FGF13: variants seen among roughly 807,000 people sequenced by gnomAD.
FGF13 encodes the protein fibroblast growth factor homologous factor 2.
FGF13 carries 2 observed loss-of-function variants against 19.5 expected under a neutral mutation model. The ratio of observed to expected loss-of-function variants is 0.10; its 90% CI spans 0.04 to 0.32. FGF13 has a LOEUF of 0.32. FGF13 is among the 10% of genes least tolerant of loss of function. The pLI is 1.00. For synonymous variants in FGF13, 72 were observed against 76.9 expected (o/e 0.94, Z 0.33); for missense variants, 113 against 192.7 (o/e 0.59, Z 2.45).
chrX:139,071,999 G>T (rs193285033), intron 1 of FGF13, among the ~76,000 whole-genome samples: 214 of 61,769 alleles, frequency 3.5e-3, no homozygotes, highest in African/African-American at 0.015. Context: ...CACAGAGCGA[G>T]ATTCCATCTC....
chrX:138,692,167 G>C (rs910935606), intron 3 of FGF13, among the ~76,000 whole-genome samples: 1 of 111,008 alleles, frequency 9.0e-6, no homozygotes, highest in Non-Finnish European at 1.9e-5. Flanking sequence ...TATTCAATAG[G>C]CCTGACAGAA....
chrX:139,196,197 T>C (rs986440452), intron 1 of FGF13, among the ~76,000 whole-genome samples: 1 of 112,010 alleles, frequency 8.9e-6, no homozygotes, highest in Non-Finnish European at 1.9e-5. Context: ...AGTGGAGTTT[T>C]TACTCAACAG....
intron 1 of FGF13, among the ~76,000 whole-genome samples, chrX:138,915,107 A>G (rs1307693761): frequency 9.0e-6 from 1 of 111,218 alleles, no homozygotes; most frequent in Admixed American, 9.6e-5. Context: ...AGTTTTTTCA[A>G]CTCAGAGGCA....
chrX:138,628,011 TAA>T lies in FGF13; in HGVS notation c.*4837_*4838del, dbSNP rs1347652783. 8.9e-6 allele frequency: 1 copy of T among 111,951 alleles called. No individual in the cohort carries two copies. Among genetic ancestry groups the T allele is most frequent in the Non-Finnish European group, 1.9e-5 (1 of 53,233 alleles). 9.2% of individuals were successfully genotyped at this position (111,951 alleles called of 1,213,427 possible). Reference sequence around the variant, plus strand: ...TGTGCAACAAATTCAAACCAACCTCTAAAGAGTAACAGTGTTTAAAGATTACA... The same window carrying T: ...TGTGCAACAAATTCAAACCAACCTCTAGAGTAACAGTGTTTAAAGATTACA... On this transcript the variant is annotated 3_prime_UTR_variant, in exon 5 of 5. Coordinates refer to ENST00000315930, the MANE Select transcript of FGF13 (RefSeq NM_004114.5).
chrX:138,965,020 C>T (rs770955288), intron 1 of FGF13, among the ~76,000 whole-genome samples: 4 of 111,952 alleles, frequency 3.6e-5, no homozygotes, highest in Admixed American at 9.4e-5. Flanking sequence ...ATAAACTTCC[C>T]GAGAAGAGGC....
chrX:138,945,685 G>C (rs1364835938), intron 1 of FGF13, among the ~76,000 whole-genome samples: 1 of 110,416 alleles, frequency 9.1e-6, no homozygotes, highest in Non-Finnish European at 1.9e-5. Flanking sequence ...ATGGAAAAAC[G>C]ATTCAGTGGA....
rs1461851722 is a variant in FGF13 at position 138,620,302 on chromosome X, C to G, written c.*12548G>C. 3 of 109,167 alleles carry G rather than the reference C, an allele frequency of 2.7e-5. No homozygotes were observed. The highest frequency in any genetic ancestry group is 6.7e-5 in the African/African-American group (2 of 29,823). 9.0% of individuals were successfully genotyped at this position (109,167 alleles called of 1,213,427 possible). ...GACACAGGGAGGGGAACAATACACACTGGGGCCTGTCAAGGGGGGTGGGGT... is the reference window on the plus strand; with the variant it reads ...GACACAGGGAGGGGAACAATACACAGTGGGGCCTGTCAAGGGGGGTGGGGT... On this transcript the variant is annotated 3_prime_UTR_variant, in exon 5 of 5. Transcript: ENST00000315930.
chrX:138,829,147 TTC>T (rs2091054141), intron 3 of FGF13, among the ~76,000 whole-genome samples: 1 of 111,762 alleles, frequency 8.9e-6, no homozygotes, highest in Non-Finnish European at 1.9e-5. Context: ...CCAATTTCCT[TTC>T]TCTGTCTCAC....
chrX:139,134,484 A>G (rs1438209220), intron 1 of FGF13, among the ~76,000 whole-genome samples: 3 of 110,997 alleles, frequency 2.7e-5, no homozygotes, highest in African/African-American at 9.8e-5. Flanking sequence ...CCTAGATAGC[A>G]TCTCTCACAG....
chrX:138,983,369 TC>T (rs1298101293), intron 1 of FGF13, among the ~76,000 whole-genome samples: 18 of 9,720 alleles, frequency 1.9e-3, no homozygotes, highest in African/African-American at 4.0e-3. Flanking sequence ...GGCTATTCTT[TC>T]CCCATTGTGT....
chrX:139,086,721 G>T (rs760330723), intron 1 of FGF13, among the ~76,000 whole-genome samples: 1 of 112,055 alleles, frequency 8.9e-6, no homozygotes, highest in Admixed American at 9.4e-5. Context: ...GGAAAAAAAT[G>T]TTTAATATGT....
intron 1 of FGF13, among the ~76,000 whole-genome samples, chrX:138,933,652 C>T: frequency 8.9e-6 from 1 of 112,272 alleles, no homozygotes; most frequent in Non-Finnish European, 1.9e-5. Flanking sequence ...AATGTGTGGC[C>T]TTTTAGCATT....
intron 1 of FGF13, among the ~76,000 whole-genome samples, chrX:138,933,694 C>A (rs1023649001): frequency 9.0e-6 from 1 of 111,508 alleles, no homozygotes; most frequent in Non-Finnish European, 1.9e-5. Context: ...GCGAATTGGT[C>A]TTTATGCTTC....
intron 1 of FGF13, among the ~76,000 whole-genome samples, chrX:138,734,676 T>C (rs952545488): frequency 2.7e-5 from 3 of 111,818 alleles, no homozygotes; most frequent in Admixed American, 9.5e-5. Context: ...GATGAGGCTA[T>C]CCCAAATCCA....
chrX:139,176,494 T>C, intron 1 of FGF13, among the ~76,000 whole-genome samples: 1 of 110,163 alleles, frequency 9.1e-6, no homozygotes, highest in Non-Finnish European at 1.9e-5. Flanking sequence ...CTCTAGTTCT[T>C]TTAATTGTAA....
intron 3 of FGF13, among the ~76,000 whole-genome samples, chrX:138,763,127 T>C (rs188057793): frequency 5.4e-5 from 6 of 110,980 alleles, no homozygotes; most frequent in African/African-American, 9.9e-5. Context: ...ATGTATTATA[T>C]CATATACACC....
At chrX:138,723,479 C>A (rs1463085464) in intron 1 of FGF13, among the ~76,000 whole-genome samples, 1 of 111,115 alleles carries the variant, frequency 9.0e-6, no homozygotes, top group Admixed American at 9.6e-5. Context: ...GCCTAATTTG[C>A]GCATTCTGCT....
intron 1 of FGF13, among the ~76,000 whole-genome samples, chrX:138,892,011 T>TGC (rs1556288700): frequency 1.9e-5 from 2 of 107,164 alleles, no homozygotes; most frequent in African/African-American, 7.0e-5. Context: ...TATGTGTGTG[T>TGC]GTGTGTGTGT....
intron 1 of FGF13, among the ~76,000 whole-genome samples, chrX:138,932,007 C>G (rs1002058360): frequency 9.1e-6 from 1 of 110,455 alleles, no homozygotes; most frequent in Admixed American, 9.6e-5. Context: ...ACTATCCCCC[C>G]ACCCCCCATT....
Sources: allele counts gnomAD v4.1 joint callset (sites outside exome capture counted in the v4.1 genomes callset), GRCh38; gene constraint gnomAD v4.1.1; transcripts MANE v1.5; gene names NCBI Gene and HGNC (gene_info 2026-07-23, HGNC 2026-07-21).